ZNF723: variants seen among roughly 807,000 people sequenced by gnomAD.
ZNF723 encodes the protein zinc finger protein 723, pseudogene.
A neutral mutation model predicts 9.4 loss-of-function variants in ZNF723; 5 were observed. That is an observed-to-expected ratio of 0.53 (90% CI 0.28 to 1.12). The LOEUF is 1.12. Ranked by LOEUF, ZNF723 falls within the 50% of genes most tolerant of loss-of-function variation. The pLI is 0.10. For missense variants in ZNF723, 450 were observed against 501.5 expected, an observed-to-expected ratio of 0.90 and a Z score of 0.98; for synonymous variants, 158 against 168.8, an observed-to-expected ratio of 0.94 and a Z score of 0.49.
chr19:22,825,114 G>A, the ZNF723 span, among the ~76,000 whole-genome samples: 1 of 152,290 alleles, frequency 6.6e-6, no homozygotes, highest in South Asian at 2.1e-4. Flanking sequence ...ATCACCTTGA[G>A]GTTCTGAATC....
chr19:22,831,408 T>C (rs918546628), upstream of ZNF723, among the ~76,000 whole-genome samples: 3 of 150,544 alleles, frequency 2.0e-5, no homozygotes, highest in African/African-American at 4.9e-5. Context: ...AATATAAAAA[T>C]TAGCTGGGTG....
the ZNF723 span, among the ~76,000 whole-genome samples, chr19:22,821,421 G>T: frequency 1.3e-5 from 2 of 152,048 alleles, no homozygotes; most frequent in Non-Finnish European, 2.9e-5. Flanking sequence ...ATTCTCTCCT[G>T]CCTGGGCCCT....
intron 3 of ZNF723, among the ~76,000 whole-genome samples, chr19:22,850,094 T>C (rs1361422226): frequency 1.3e-5 from 2 of 150,386 alleles, no homozygotes; most frequent in Non-Finnish European, 2.9e-5. Flanking sequence ...ATATTAAGTA[T>C]GACATCCTCC....
At chr19:22,834,317 C>G (rs1967139084) in intron 1 of ZNF723, among the ~76,000 whole-genome samples, 1 of 151,780 alleles carries the variant, frequency 6.6e-6, no homozygotes, top group African/African-American at 2.4e-5. Context: ...TAAGTCTTTT[C>G]CTTTAGAAGA....
intron 1 of ZNF723, among the ~76,000 whole-genome samples, chr19:22,847,036 T>C (rs1367127314): frequency 9.9e-6 from 1 of 100,564 alleles, no homozygotes; most frequent in Non-Finnish European, 2.1e-5. Flanking sequence ...CTCTGACAGA[T>C]TTTTTTTTTT....
chr19:22,826,724 T>C, the ZNF723 span, among the ~76,000 whole-genome samples: 1 of 152,172 alleles, frequency 6.6e-6, no homozygotes, highest in Non-Finnish European at 1.5e-5. Context: ...CATACCTGGA[T>C]CCAACCAATA....
chr19:22,833,636 G>A (rs1967126373), intron 1 of ZNF723, among the ~76,000 whole-genome samples: 1 of 151,356 alleles, frequency 6.6e-6, no homozygotes, highest in Admixed American at 6.6e-5. Flanking sequence ...TTGAAACAGA[G>A]TCTCACTCTG....
the ZNF723 span, among the ~76,000 whole-genome samples, chr19:22,812,758 G>C: frequency 6.6e-6 from 1 of 152,092 alleles, no homozygotes; most frequent in Admixed American, 6.6e-5. Context: ...TTAAAGGTAC[G>C]AAATTGACTC....
chr19:22,857,020 A>G (rs1967488328), intron 3 of ZNF723, 98 bp from the exon 4 acceptor site: 8 of 544,838 alleles, frequency 1.5e-5, no homozygotes, highest in South Asian at 3.9e-5. Context: ...TTGCTATGCC[A>G]TCTTATGTAG....
chr19:22,837,910 T>C (rs1967188024), intron 1 of ZNF723, among the ~76,000 whole-genome samples: 1 of 152,108 alleles, frequency 6.6e-6, no homozygotes, highest in Non-Finnish European at 1.5e-5. Flanking sequence ...CTCCACCAAC[T>C]TGGGGTTCTG....
At position 22,848,249 on chromosome 19, in the gene ZNF723, T is replaced by C. The variant is rs1555739787; in HGVS notation, c.4-12T>C. 3.0e-6 allele frequency: 3 copies of C among 997,270 alleles called. No homozygotes were observed. Among genetic ancestry groups the C allele is most frequent in the Non-Finnish European group, 4.5e-6 (3 of 663,956 alleles). 61.8% of individuals were successfully genotyped at this position (997,270 alleles called of 1,614,324 possible). A position where few individuals can be genotyped will look rare whatever the true frequency, so the allele number is the denominator to read the frequency against. On this transcript the variant is annotated splice_polypyrimidine_tract_variant and intron_variant, in intron 1 of 3. Coordinates refer to ENST00000600766, the MANE Select transcript of ZNF723 (RefSeq NM_001349726.2). ...AAATATGTGTGTATGTGTGTGTGTG[T>C]TTTTTTTTCAGGGACCATTGACATT...
the ZNF723 span, among the ~76,000 whole-genome samples, chr19:22,820,030 G>A: frequency 1.3e-5 from 2 of 152,058 alleles, no homozygotes; most frequent in East Asian, 1.9e-4. Context: ...CCAAAAGGGG[G>A]GATTGTAACA....
chr19:22,851,463 C>T (rs554872608), intron 3 of ZNF723, among the ~76,000 whole-genome samples: 5 of 152,078 alleles, frequency 3.3e-5, no homozygotes, highest in South Asian at 2.1e-4. Context: ...TGAGGCACCG[C>T]GCCCAGCCTA....
At chr19:22,828,483 T>C (rs1293015572), upstream of ZNF723, among the ~76,000 whole-genome samples, 1 of 152,028 alleles carries the variant, frequency 6.6e-6, no homozygotes, top group East Asian at 1.9e-4. Flanking sequence ...TGAAACCCCA[T>C]GTCTACTAAA....
chr19:22,853,646 C>T (rs1361555896), intron 3 of ZNF723, among the ~76,000 whole-genome samples: 2 of 152,076 alleles, frequency 1.3e-5, no homozygotes, highest in Non-Finnish European at 2.9e-5. Flanking sequence ...TTATCTGAGA[C>T]AGAGCCTTGC....
chr19:22,829,682 A>G (rs1325154110), upstream of ZNF723, among the ~76,000 whole-genome samples: 1 of 152,214 alleles, frequency 6.6e-6, no homozygotes, highest in Non-Finnish European at 1.5e-5. Context: ...AGAAATTGTT[A>G]AATTAATTAT....
chr19:22,836,158 C>T (rs1315226827), intron 1 of ZNF723, among the ~76,000 whole-genome samples: 1 of 152,050 alleles, frequency 6.6e-6, no homozygotes, highest in Non-Finnish European at 1.5e-5. Context: ...TTAGTTCTTC[C>T]TGGGGAGCCT....
At chr19:22,816,210 T>TA in the ZNF723 span, among the ~76,000 whole-genome samples, 1 of 152,194 alleles carries the variant, frequency 6.6e-6, no homozygotes, top group Admixed American at 6.5e-5. Context: ...GCAGGTGAGA[T>TA]TGTGACACTC....
At chr19:22,825,692 C>A in the ZNF723 span, among the ~76,000 whole-genome samples, 2 of 152,204 alleles carry the variant, frequency 1.3e-5, no homozygotes, top group Non-Finnish European at 2.9e-5. Flanking sequence ...CATGTCTGGG[C>A]CCTGCCCACA....
Sources: allele counts gnomAD v4.1 joint callset (sites outside exome capture counted in the v4.1 genomes callset), GRCh38; gene constraint gnomAD v4.1.1; transcripts MANE v1.5; gene names NCBI Gene and HGNC (gene_info 2026-07-23, HGNC 2026-07-21).